GALNTL5: variants seen among roughly 807,000 people sequenced by gnomAD.
The protein encoded by GALNTL5 is polypeptide N-acetylgalactosaminyltransferase like 5.
A neutral mutation model predicts 51.0 loss-of-function variants in GALNTL5; 44 were observed. The ratio of observed to expected loss-of-function variants is 0.86; its 90% confidence interval spans 0.68 to 1.11. The LOEUF (loss-of-function observed/expected upper bound fraction) is 1.11, where lower values mean the gene tolerates loss of function less well. Ranked by LOEUF, GALNTL5 falls within the 50% of genes least tolerant of loss-of-function variation. GALNTL5 has a pLI of 0.00. For synonymous variants in GALNTL5, 192 were observed against 182.8 expected, an observed-to-expected ratio of 1.05 and a Z score of -0.41; for missense variants, 528 against 531.8, an observed-to-expected ratio of 0.99 and a Z score of 0.07.
At chr7:152,000,907 C>CTT (rs2081568494) in intron 5 of GALNTL5, among the ~76,000 whole-genome samples, 1 of 128,630 alleles carries the variant, frequency 7.8e-6, no homozygotes, top group African/African-American at 3.3e-5. Flanking sequence ...TCTTTTTTTT[C>CTT]TTTCTTTTTT....
Position 151,967,236 on chromosome 7 carries a change from C to T in GALNTL5, c.-11C>T, listed in dbSNP as rs748578285. ...ATTGAAAAATGGACCTTTGAAAATGCTAGATTTACAATGAGAAATGCCATA... is the reference window on the plus strand; with the variant it reads ...ATTGAAAAATGGACCTTTGAAAATGTTAGATTTACAATGAGAAATGCCATA... On this transcript the variant is annotated 5_prime_UTR_variant, in exon 2 of 9. Coordinates refer to ENST00000392800, the MANE Select transcript of GALNTL5 (RefSeq NM_145292.4). 5.2e-5 allele frequency: 83 copies of T among 1,604,374 alleles called. No homozygotes were observed. The highest frequency in any genetic ancestry group is 7.0e-5 in the Non-Finnish European group (82 of 1,175,298).
intron 1 of GALNTL5, chr7:151,960,595 G>C (rs548539160): frequency 9.8e-5 from 15 of 152,622 alleles, no homozygotes; most frequent in African/African-American, 3.1e-4. Context: ...GAAGAGCCTA[G>C]ATGGCAGTGC....
At chr7:152,015,045 G>A (rs570425125) in intron 8 of GALNTL5, among the ~76,000 whole-genome samples, 1 of 152,262 alleles carries the variant, frequency 6.6e-6, no homozygotes, top group East Asian at 1.9e-4. Context: ...TGGGAGGAGG[G>A]TGAGGATAAA....
chr7:151,999,288 T>A (rs1310689698), intron 5 of GALNTL5, among the ~76,000 whole-genome samples: 3 of 152,236 alleles, frequency 2.0e-5, no homozygotes, highest in African/African-American at 7.2e-5. Flanking sequence ...GCATTTGGGC[T>A]GTTTCCCTCT....
intron 6 of GALNTL5, among the ~76,000 whole-genome samples, chr7:152,006,455 A>C (rs2081644673): frequency 6.6e-6 from 1 of 152,180 alleles, no homozygotes; most frequent in African/African-American, 2.4e-5. Context: ...TTCTGATAGG[A>C]ATGTTCCTAT....
At chr7:151,997,535 T>C (rs79187654) in intron 5 of GALNTL5, among the ~76,000 whole-genome samples, 12,525 of 152,278 alleles carry the variant, frequency 0.082, 881 homozygotes, top group East Asian at 0.35. Context: ...CATTGAAATG[T>C]AGGTGCTAGG....
In GALNTL5 at chr7:151,987,209, G is replaced by A. The variant is rs75797831; in HGVS notation, c.586G>A (p.Val196Ile). The change falls in exon 5 of 9, where the codon GTT becomes ATT. Residue 196 changes from valine (V) to isoleucine (I), a missense_variant. Val to Ile is a conservative substitution (Grantham distance 29). Coordinates refer to ENST00000392800, the MANE Select transcript of GALNTL5 (RefSeq NM_145292.4). Reference sequence around the variant, plus strand: ...TCACCTGGAAACTTTTCGGGGAAAGGTTAAAATAATAAGAAACAAAAAGAG... The same window carrying A: ...TCACCTGGAAACTTTTCGGGGAAAGATTAAAATAATAAGAAACAAAAAGAG... The part of the protein sequence containing the change: ...DYHLETFRGK[V>I]KIIRNKKREG... The A allele has an allele frequency of 5.0e-3, 7,950 of 1,598,642 alleles. 62 individuals carry two copies. The highest frequency in any genetic ancestry group is 0.024 in the Middle Eastern group (142 of 6,018).
At chr7:152,011,736 A>C (rs1181243871) in intron 7 of GALNTL5, among the ~76,000 whole-genome samples, 2 of 152,182 alleles carry the variant, frequency 1.3e-5, no homozygotes, top group Non-Finnish European at 2.9e-5. Flanking sequence ...TAGGCAAGTC[A>C]CTCAACAGTC....
chr7:151,997,488 CCT>C (rs1180644125), intron 5 of GALNTL5, among the ~76,000 whole-genome samples: 1 of 152,156 alleles, frequency 6.6e-6, no homozygotes, highest in Non-Finnish European at 1.5e-5. Context: ...GTAAATTTCC[CCT>C]GTTAAATATT....
chr7:151,990,114 C>T (rs2081408768), intron 5 of GALNTL5, among the ~76,000 whole-genome samples: 1 of 152,020 alleles, frequency 6.6e-6, no homozygotes, highest in African/African-American at 2.4e-5. Flanking sequence ...ACAATCTCGG[C>T]TCACTGCAAC....
intron 7 of GALNTL5, among the ~76,000 whole-genome samples, chr7:152,008,976 C>T (rs2151959701): frequency 6.6e-6 from 1 of 152,210 alleles, no homozygotes; most frequent in Non-Finnish European, 1.5e-5. Flanking sequence ...ATTCCTTTTT[C>T]TGGCCCTACA....
At chr7:151,979,022 A>T (rs570370088) in intron 3 of GALNTL5, among the ~76,000 whole-genome samples, 98 of 152,044 alleles carry the variant, frequency 6.4e-4, no homozygotes, top group African/African-American at 2.3e-3. Context: ...TTATTAATGT[A>T]TAAGGTCAGC....
In GALNTL5 at chr7:152,004,886, C is replaced by A. The variant is rs144699566; in HGVS notation, c.908+1923C>A. Among the ~76,000 whole-genome samples, 426 of 152,304 alleles carry A rather than the reference C, an allele frequency of 2.8e-3. 8 individuals are homozygous for A. Among genetic ancestry groups the A allele is most frequent in the Admixed American group, 0.017 (253 of 15,304 alleles). ...CACTTTAGTTGATCCCATGACTTTA[C>A]AGTTGTGAATAGTGCTGTGATAAAC... On this transcript the variant is annotated intron_variant, in intron 6 of 8. Transcript: ENST00000392800.
intron 4 of GALNTL5, among the ~76,000 whole-genome samples, chr7:151,983,588 T>C (rs1254432679): frequency 1.3e-5 from 2 of 152,140 alleles, no homozygotes; most frequent in African/African-American, 4.8e-5. Flanking sequence ...GCTCTTGGTA[T>C]ATGGTGGACA....
chr7:152,001,708 T>C (rs1563021012), intron 5 of GALNTL5, among the ~76,000 whole-genome samples: 1 of 152,200 alleles, frequency 6.6e-6, no homozygotes, highest in Non-Finnish European at 1.5e-5. Context: ...TTTTGGCTAA[T>C]CTAGGTCCAT....
chr7:151,998,148 A>G (rs2081524007), intron 5 of GALNTL5, among the ~76,000 whole-genome samples: 1 of 152,200 alleles, frequency 6.6e-6, no homozygotes, highest in Non-Finnish European at 1.5e-5. Context: ...GTTGGAGGTT[A>G]TAGTGAGCTA....
chr7:151,983,177 A>C, intron 4 of GALNTL5, 25 bp downstream of exon 4: 1,076 of 1,559,558 alleles, frequency 6.9e-4, no homozygotes, highest in Non-Finnish European at 8.7e-4. Flanking sequence ...TCATTATCTC[A>C]TCTACTTTGT....
At chr7:152,008,785 G>A (rs1483373352) in intron 7 of GALNTL5, among the ~76,000 whole-genome samples, 2 of 151,702 alleles carry the variant, frequency 1.3e-5, no homozygotes, top group Non-Finnish European at 2.9e-5. Context: ...TGTTCCCTTT[G>A]GACGTAGGCA....
chr7:151,966,475 G>A (rs1332216325), intron 1 of GALNTL5, among the ~76,000 whole-genome samples: 4 of 151,932 alleles, frequency 2.6e-5, no homozygotes, highest in African/African-American at 4.8e-5. Context: ...CACCATATTG[G>A]CCAAGCTGGT....
Sources: gnomAD v4.1 joint callset for allele counts (sites outside exome capture counted in the v4.1 genomes callset) on GRCh38, gnomAD v4.1.1 for gene constraint, MANE v1.5 for transcripts, NCBI Gene and HGNC (gene_info 2026-07-23, HGNC 2026-07-21) for gene names.